The following PCLO variants were observed in gnomAD, a reference collection of about 807,000 sequenced individuals.
The protein encoded by PCLO is protein piccolo.
In PCLO, 82 loss-of-function variants were observed where a neutral mutation model predicts 427.5. The observed-to-expected ratio is 0.19, with a 90% confidence interval of 0.16 to 0.23. The LOEUF (loss-of-function observed/expected upper bound fraction) is 0.23, where lower values mean the gene tolerates loss of function less well. PCLO is among the 10% of genes least tolerant of loss of function. The pLI, the probability that PCLO is intolerant of heterozygous loss-of-function variation, is 1.00. For missense variants in PCLO, 6,239 were observed against 6,115.9 expected (o/e 1.02, Z -0.67); for synonymous variants, 2,357 against 2,155.4 (o/e 1.09, Z -2.59).
rs373839946 is a variant in PCLO at position 82,788,887 on chromosome 7, TAA to T, written c.15007+12629_15007+12630del. Among the ~76,000 whole-genome samples, 18 of 151,836 alleles carry T rather than the reference TAA, an allele frequency of 1.2e-4. No individual in the cohort carries two copies. The East Asian group carries it at 3.5e-3, about 29-fold the overall frequency. On this transcript the variant is annotated intron_variant, in intron 22 of 24. Coordinates refer to ENST00000333891, the MANE Select transcript of PCLO (RefSeq NM_033026.6). ...GATACTAGATAATATTTCTGCAAAA[TAA>T]ATAGTGACTCATTAATTAATAAAGA...
At chr7:82,882,262 T>C (rs1344566884) in intron 9 of PCLO, among the ~76,000 whole-genome samples, 1 of 152,170 alleles carries the variant, frequency 6.6e-6, no homozygotes, top group African/African-American at 2.4e-5. Context: ...AGAATACCAA[T>C]AGAATTTTTT....
At chr7:82,786,426 TAACA>T (rs1583973455) in intron 22 of PCLO, among the ~76,000 whole-genome samples, 1 of 152,300 alleles carries the variant, frequency 6.6e-6, no homozygotes, top group East Asian at 1.9e-4. Flanking sequence ...TTTAAATCGT[TAACA>T]AATTATTCTT....
Position 82,950,415 on chromosome 7 carries a change from C to T in PCLO, c.10173G>A (p.Leu3391=), listed in dbSNP as rs768544780. Residue 3391 remains leucine, a synonymous_variant, in exon 6 of 25, where the codon CTG becomes CTA. Transcript: ENST00000333891. ...TTAGAGGTATTTCTGAAACAGTGCT[C>T]AGGATACCAGGTGGGGCAATGTACT... ...VTQYIAPPGI[L]STVSEIPLTD... 1.2e-6 allele frequency: 2 copies of T among 1,613,726 alleles called. No homozygotes were observed. Among genetic ancestry groups the T allele is most frequent in the East Asian group, 2.2e-5 (1 of 44,838 alleles).
Position 83,156,181 on chromosome 7 carries a change from G to T in PCLO, c.460C>A (p.Pro154Thr), listed in dbSNP as rs572172055. The T allele has an allele frequency of 1.4e-3, 2,208 of 1,613,424 alleles. 77 individuals are homozygous for T. In the South Asian group the frequency reaches 0.023, roughly 17 times the overall value. ...GCGTTAACCTCTGAGAGGAAGCCAGGCATCATACTAGACTTGTGCTCTTCC... is the reference window on the plus strand; with the variant it reads ...GCGTTAACCTCTGAGAGGAAGCCAGTCATCATACTAGACTTGTGCTCTTCC... ...LKEEHKSSMM[P>T]GFLSEVNALS... The change falls in exon 2 of 25, where the codon CCT becomes ACT. Residue 154 changes from proline (P) to threonine (T), a missense_variant. By Grantham distance (38) the Pro-to-Thr change is conservative. Around this residue, in one of 5 missense-constraint regions of PCLO, gnomAD observed 4,677 missense variants for 4,468.4 expected, o/e 1.05. Transcript: ENST00000333891.
intron 3 of PCLO, among the ~76,000 whole-genome samples, chr7:83,062,613 C>T (rs1365796964): frequency 6.6e-6 from 1 of 152,150 alleles, no homozygotes; most frequent in Admixed American, 6.6e-5. Context: ...CATTGAGTGA[C>T]TTCTATGTGT....
chr7:82,937,914 GGTA>G (rs1271579429), intron 6 of PCLO, among the ~76,000 whole-genome samples: 1 of 151,772 alleles, frequency 6.6e-6, no homozygotes, highest in Admixed American at 6.6e-5. Flanking sequence ...AACTCATGAA[GGTA>G]TCTCCACATT....
intron 13 of PCLO, among the ~76,000 whole-genome samples, chr7:82,843,865 T>C (rs1792431831): frequency 6.6e-6 from 1 of 151,722 alleles, no homozygotes. Flanking sequence ...GGGGTTTCAC[T>C]GTGTTGGTTA....
At position 82,954,814 on chromosome 7, in the gene PCLO, T is replaced by C; in HGVS notation, c.6139A>G (p.Thr2047Ala). The part of the protein sequence containing the change: ...PESHEIVDLG[T>A]MVTSTEEERK... ...TCTTCTTCTGTAGAAGTTACCATAGTACCCAGGTCCACTATCTCATGGCTT... is the reference window on the plus strand; with the variant it reads ...TCTTCTTCTGTAGAAGTTACCATAGCACCCAGGTCCACTATCTCATGGCTT... Residue 2047 changes from threonine (T) to alanine (A), a missense_variant, in exon 5 of 25, where the codon ACT (threonine) becomes GCT (alanine). By Grantham distance (58) the Thr-to-Ala change is moderately conservative (BLOSUM62 0). Coordinates refer to ENST00000333891, the MANE Select transcript of PCLO (RefSeq NM_033026.6). 6.2e-7 allele frequency: 1 copy of C among 1,613,844 alleles called. No homozygotes were observed. Among genetic ancestry groups the C allele is most frequent in the South Asian group, 1.1e-5 (1 of 91,076 alleles).
At chr7:83,035,229 A>AAC (rs1046832841) in intron 3 of PCLO, among the ~76,000 whole-genome samples, 12 of 152,174 alleles carry the variant, frequency 7.9e-5, no homozygotes, top group Non-Finnish European at 1.5e-4. Context: ...TTGTTTATGA[A>AAC]ACACCCATCA....
intron 7 of PCLO, chr7:82,914,259 T>C: frequency 2.8e-6 from 1 of 355,648 alleles, no homozygotes. Flanking sequence ...TCTATCAGAA[T>C]AGTATTTCAT....
rs143911465 is a variant in PCLO at position 82,767,053 on chromosome 7, A to G, written c.15008-5560T>C. Among the ~76,000 whole-genome samples, 520 of 152,260 alleles carry G rather than the reference A, an allele frequency of 3.4e-3. 5 individuals carry two copies. The highest frequency in any genetic ancestry group is 0.012 in the African/African-American group (484 of 41,540). On this transcript the variant is annotated intron_variant, in intron 22 of 24. Coordinates refer to ENST00000333891, the MANE Select transcript of PCLO (RefSeq NM_033026.6). ...TGCTTTTGTCTTTTGAAGCAAATACATGGATGGAGGCAAAATCCTCCGTGT... is the reference window on the plus strand; with the variant it reads ...TGCTTTTGTCTTTTGAAGCAAATACGTGGATGGAGGCAAAATCCTCCGTGT...
intron 9 of PCLO, among the ~76,000 whole-genome samples, chr7:82,886,729 A>G (rs1188563645): frequency 6.6e-6 from 1 of 152,080 alleles, no homozygotes; most frequent in Non-Finnish European, 1.5e-5. Context: ...ATTTTTGGTT[A>G]TTTTCATTAC....
chr7:83,095,210 CG>C (rs1473194577), intron 3 of PCLO, among the ~76,000 whole-genome samples: 1 of 151,556 alleles, frequency 6.6e-6, no homozygotes, highest in African/African-American at 2.4e-5. Context: ...TTTGAGGAAT[CG>C]TTTTTTTCTA....
In PCLO at chr7:83,098,416, C is replaced by G. The variant is rs184015537; in HGVS notation, c.3300+35834G>C. On this transcript the variant is annotated intron_variant, in intron 3 of 24. Coordinates refer to ENST00000333891, the MANE Select transcript of PCLO (RefSeq NM_033026.6). ...ATCATCTGCTACACATAAAGACTTG[C>G]GATAGACACCAAGGGAATGCAAAAT... 6.8e-4 allele frequency among the ~76,000 whole-genome samples: 103 copies of G among 152,158 alleles called. 3 individuals carry two copies. Among genetic ancestry groups the G allele is most frequent in the Non-Finnish European group, 1.0e-4 (7 of 67,974 alleles).
At chr7:82,897,749 AAC>A (rs1267147925) in intron 9 of PCLO, among the ~76,000 whole-genome samples, 7 of 151,482 alleles carry the variant, frequency 4.6e-5, no homozygotes, top group Non-Finnish European at 1.0e-4. Flanking sequence ...GAGTTACAGA[AAC>A]AGTTTATTTT....
In PCLO at chr7:83,055,955, T is replaced by G. The variant is rs79488687; in HGVS notation, c.3300+78295A>C. On this transcript the variant is annotated intron_variant, in intron 3 of 24. Coordinates refer to ENST00000333891, the MANE Select transcript of PCLO (RefSeq NM_033026.6). Reference sequence around the variant, plus strand: ...ATGATCTGCACAGGTAGAGATGTTTTAATACATAGTTTATAGCCAGTGAAT... The same window carrying G: ...ATGATCTGCACAGGTAGAGATGTTTGAATACATAGTTTATAGCCAGTGAAT... Among the ~76,000 whole-genome samples the G allele has an allele frequency of 7.2e-5, 11 of 152,290 alleles. No individual in the cohort carries two copies. In the East Asian group the frequency reaches 2.1e-3, roughly 29 times the overall value.
chr7:82,822,592 A>G lies in PCLO; in HGVS notation c.14694T>C (p.Ser4898=). The G allele has an allele frequency of 6.2e-7, 1 of 1,613,850 alleles. No homozygotes were observed. The highest frequency in any genetic ancestry group is 2.2e-5 in the East Asian group (1 of 44,842). The change falls in exon 20 of 25, where the codon AGT becomes AGC. Residue 4898 remains serine (S), a synonymous_variant. Coordinates refer to ENST00000333891, the MANE Select transcript of PCLO (RefSeq NM_033026.6). ...TCTGAGTGACGCTGGTTTTGCTTTGACTGCGAGATGGTCCATGAGAACGGA... is the reference window on the plus strand; with the variant it reads ...TCTGAGTGACGCTGGTTTTGCTTTGGCTGCGAGATGGTCCATGAGAACGGA... ...GHLRSHGPSR[S]QSKTSVTQTH... is the part of the protein sequence containing the mutation.
rs1450385478 is a variant in PCLO, at chr7:82,827,984, A to G, written c.14250-18T>C. On this transcript the variant is annotated intron_variant, in intron 16 of 24. Coordinates refer to ENST00000333891, the MANE Select transcript of PCLO (RefSeq NM_033026.6). The stretch of plus-strand genomic sequence containing the variant: ...ACTCAGCACTGAATTGGGAGAAAAG[A>G]AAGAGTTATCTTGATTATTCACCTT... The G allele has an allele frequency of 1.4e-6, 2 of 1,416,734 alleles. No individual in the cohort carries two copies. The highest frequency in any genetic ancestry group is 1.4e-5 in the African/African-American group (1 of 71,216). The allele number at this position is 1,416,734 out of a possible 1,614,324, so 87.8% of individuals were successfully genotyped here.
chr7:83,003,448 T>C (rs939528738), intron 3 of PCLO, among the ~76,000 whole-genome samples: 3 of 151,810 alleles, frequency 2.0e-5, no homozygotes, highest in African/African-American at 7.2e-5. Flanking sequence ...TGTGTGTTTA[T>C]AGTAGAATCA....
Sources: allele counts gnomAD v4.1 joint callset (sites outside exome capture counted in the v4.1 genomes callset), GRCh38; gene constraint gnomAD v4.1.1; regional missense constraint gnomAD v4.1.1; transcripts MANE v1.5; gene names NCBI Gene and HGNC (gene_info 2026-07-23, HGNC 2026-07-21).